Variants in RGS9 observed in about 807,000 individuals in gnomAD.
The protein encoded by RGS9 is regulator of G-protein signalling 9.
RGS9 carries 78 observed loss-of-function variants against 102.0 expected under a neutral mutation model. The ratio of observed to expected loss-of-function variants is 0.76; its 90% CI spans 0.64 to 0.92. The LOEUF is 0.92. Among genes scored for constraint, RGS9 ranks in the 40% least tolerant of loss-of-function variants. The probability of loss-of-function intolerance (pLI) is 0.00; values close to 1 mark genes in which losing one functional copy is unlikely to be tolerated. For missense variants in RGS9, 833 were observed against 866.1 expected, an observed-to-expected ratio of 0.96 and a Z score of 0.48; for synonymous variants, 353 against 318.6, an observed-to-expected ratio of 1.11 and a Z score of -1.15.
intron 9 of RGS9, among the ~76,000 whole-genome samples, chr17:65,187,141 A>G (rs555027228): frequency 1.3e-5 from 2 of 152,334 alleles, no homozygotes; most frequent in African/African-American, 4.8e-5. Context: ...TATTAAGCTT[A>G]GAAAATGTCC....
chr17:65,185,600 A>G (rs1319975691), intron 9 of RGS9: 9 of 152,348 alleles, frequency 5.9e-5, no homozygotes, highest in Non-Finnish European at 1.3e-4. Flanking sequence ...AATCCAAGGT[A>G]GAGGTGGGAA....
chr17:65,195,842 G>A, intron 12 of RGS9, among the ~76,000 whole-genome samples: 1 of 152,198 alleles, frequency 6.6e-6, no homozygotes, highest in East Asian at 1.9e-4. Flanking sequence ...GGATTCTTAG[G>A]CTGGTTTACA....
intron 3 of RGS9, among the ~76,000 whole-genome samples, chr17:65,159,699 G>A (rs533243539): frequency 8.5e-5 from 13 of 152,294 alleles, no homozygotes; most frequent in Admixed American, 1.3e-4. Context: ...CTGTGCTTCC[G>A]AATAAACTGG....
intron 17 of RGS9, among the ~76,000 whole-genome samples, chr17:65,215,505 T>G (rs201683817): frequency 1.1e-4 from 13 of 119,082 alleles, no homozygotes; most frequent in Admixed American, 3.2e-4. Flanking sequence ...TCGTTCTTTC[T>G]TTCTTTCTTT....
At chr17:65,171,569 A>G (rs1911421959) in intron 8 of RGS9, among the ~76,000 whole-genome samples, 1 of 152,210 alleles carries the variant, frequency 6.6e-6, no homozygotes, top group Non-Finnish European at 1.5e-5. Context: ...ATAAGACCTA[A>G]TTGCAGAAGG....
chr17:65,150,419 C>A (rs895729092), intron 1 of RGS9, among the ~76,000 whole-genome samples: 3 of 151,916 alleles, frequency 2.0e-5, no homozygotes. Flanking sequence ...GTCAGGAGTT[C>A]GAGACCAGCC....
At chr17:65,152,953 C>T (rs1189635633) in intron 1 of RGS9, among the ~76,000 whole-genome samples, 3 of 152,188 alleles carry the variant, frequency 2.0e-5, no homozygotes, top group Admixed American at 2.0e-4. Flanking sequence ...ATTTCCAGAA[C>T]GCTCTCTAGG....
chr17:65,223,232 G>A (rs1905438855), intron 17 of RGS9, among the ~76,000 whole-genome samples: 1 of 152,230 alleles, frequency 6.6e-6, no homozygotes, highest in Non-Finnish European at 1.5e-5. Flanking sequence ...TGTTCTCACT[G>A]TGAATTAATG....
chr17:65,223,291 G>C (rs749619829), intron 17 of RGS9, among the ~76,000 whole-genome samples: 5 of 152,216 alleles, frequency 3.3e-5, no homozygotes, highest in African/African-American at 4.8e-5. Flanking sequence ...GCGTGGGCCT[G>C]GCTTTTGCTC....
rs763961188 is a variant in RGS9, at chr17:65,225,299, C to T, written c.1705C>T (p.Arg569Trp). The T allele has an allele frequency of 1.2e-5, 19 of 1,609,444 alleles. No individual in the cohort carries two copies. The highest frequency in any genetic ancestry group is 2.2e-5 in the East Asian group (1 of 44,884). ...CCTCGACACCTCCTGGCCTCGCAGC[C>T]GGCCCAGGGCCCCTCCTAAGGCCCG... is the stretch of plus-strand genomic sequence containing the variant. ...ASLDTSWPRS[R>W]PRAPPKARMA... The change falls in exon 18 of 19, where the codon CGG (arginine) becomes TGG (tryptophan). Residue 569 changes from arginine (R) to tryptophan (W), a missense_variant. Around this residue, in one of 3 missense-constraint regions of RGS9, gnomAD observed 320 missense variants for 276.8 expected, o/e 1.16. Coordinates refer to ENST00000262406, the MANE Select transcript of RGS9 (RefSeq NM_003835.4).
chr17:65,208,805 A>T (rs974008795), intron 16 of RGS9, among the ~76,000 whole-genome samples: 9 of 152,052 alleles, frequency 5.9e-5, no homozygotes, highest in African/African-American at 1.9e-4. Flanking sequence ...ATCAATTCAA[A>T]AGGGGGATGG....
Position 65,137,377 on chromosome 17 carries a change from G to C in RGS9, c.-164G>C, listed in dbSNP as rs958513505. 6.0e-6 allele frequency: 4 copies of C among 668,126 alleles called. No homozygotes were observed. Among genetic ancestry groups the C allele is most frequent in the Non-Finnish European group, 1.1e-5 (4 of 376,114 alleles). 41.4% of individuals were successfully genotyped at this position (668,126 alleles called of 1,614,324 possible). Reference sequence around the variant, plus strand: ...GATTCCAGCTGCTTTCCAAGTCAGCGGCGCCTAGTGAGAGTCAGGGGGGCC... The same window carrying C: ...GATTCCAGCTGCTTTCCAAGTCAGCCGCGCCTAGTGAGAGTCAGGGGGGCC... On this transcript the variant is annotated 5_prime_UTR_variant, in exon 1 of 19. Transcript: ENST00000262406.
At position 65,210,500 on chromosome 17, in the gene RGS9, T is replaced by G; in HGVS notation, c.1302T>G (p.Pro434=). ...QETTKKSSTL[P]FMRRHLRSSP... is the part of the protein sequence containing the mutation. ...TCCTTCCTTCCAGCTCCACCCTCCC[T>G]TTTATGCGGCGTCACCTGCGCTCCA... is the stretch of plus-strand genomic sequence containing the variant. Residue 434 remains proline (P), a synonymous_variant, in exon 17 of 19, where the codon CCT becomes CCG. Coordinates refer to ENST00000262406, the MANE Select transcript of RGS9 (RefSeq NM_003835.4). 6.2e-7 allele frequency: 1 copy of G among 1,613,436 alleles called. No individual in the cohort carries two copies. The highest frequency in any genetic ancestry group is 1.1e-5 in the South Asian group (1 of 91,036).
chr17:65,164,480 C>G (rs938926821), intron 7 of RGS9, among the ~76,000 whole-genome samples: 3 of 152,302 alleles, frequency 2.0e-5, no homozygotes, highest in South Asian at 4.1e-4. Context: ...ATGATCCCCC[C>G]AGTCCAGCCT....
intron 9 of RGS9, chr17:65,185,406 C>T (rs774939661): frequency 2.0e-5 from 3 of 152,656 alleles, no homozygotes; most frequent in Non-Finnish European, 4.4e-5. Flanking sequence ...GTACTCAACT[C>T]ACTGTACTTG....
intron 9 of RGS9, among the ~76,000 whole-genome samples, chr17:65,183,414 C>T (rs772389644): frequency 3.3e-5 from 5 of 152,138 alleles, no homozygotes; most frequent in Non-Finnish European, 5.9e-5. Flanking sequence ...TGAGCCACCA[C>T]GCCTGGCCTT....
chr17:65,226,883 A>G (rs8078032), intron 18 of RGS9, among the ~76,000 whole-genome samples: 11,073 of 152,102 alleles, frequency 0.073, 1,361 homozygotes, highest in African/African-American at 0.25. Flanking sequence ...TCAAAGTGCT[A>G]AGATTACAGG....
Position 65,160,606 on chromosome 17 carries a change from A to C in RGS9, c.364+19A>C, listed in dbSNP as rs201365778. The C allele has an allele frequency of 6.2e-7, 1 of 1,613,552 alleles. No individual in the cohort carries two copies. Among genetic ancestry groups the C allele is most frequent in the South Asian group, 1.1e-5 (1 of 91,060 alleles). On this transcript the variant is annotated intron_variant, in intron 5 of 18. Transcript: ENST00000262406. ...GATTACGGTAAATACTTCAGCCCCA[A>C]CTATGCCTTTGGTAGTGCTTAACAT...
chr17:65,212,000 C>A (rs1049928758), intron 17 of RGS9, among the ~76,000 whole-genome samples: 2 of 152,170 alleles, frequency 1.3e-5, no homozygotes, highest in African/African-American at 4.8e-5. Context: ...GTTGCAGTGG[C>A]CTAGGCTGAG....
Sources: gnomAD v4.1 joint callset for allele counts (sites outside exome capture counted in the v4.1 genomes callset) on GRCh38, gnomAD v4.1.1 for gene constraint, gnomAD v4.1.1 regional missense constraint, MANE v1.5 for transcripts, NCBI Gene and HGNC (gene_info 2026-07-23, HGNC 2026-07-21) for gene names.